The following PRDM6 variants were observed in gnomAD, a reference collection of about 807,000 sequenced individuals.
The protein encoded by PRDM6 is PR/SET domain 6.
PRDM6 carries 25 observed loss-of-function variants against 60.8 expected under a neutral mutation model. The observed-to-expected ratio is 0.41, with a 90% CI of 0.30 to 0.57. The LOEUF (loss-of-function observed/expected upper bound fraction) is 0.57, where lower values mean the gene tolerates loss of function less well. Ranked by LOEUF, PRDM6 falls within the 20% of genes least tolerant of loss-of-function variation. The pLI is 0.27. For synonymous variants in PRDM6, 407 were observed against 357.4 expected (o/e 1.14, Z -1.57); for missense variants, 839 against 821.3 (o/e 1.02, Z -0.26).
intron 6 of PRDM6, chr5:123,173,309 T>G (rs1418397657): frequency 6.1e-6 from 1 of 164,638 alleles, no homozygotes; most frequent in Non-Finnish European, 1.5e-5. Flanking sequence ...ACTAGAAAGC[T>G]TACGTATTCA....
intron 3 of PRDM6, among the ~76,000 whole-genome samples, chr5:123,151,451 A>G (rs183393192): frequency 3.9e-5 from 6 of 152,298 alleles, no homozygotes; most frequent in Non-Finnish European, 5.9e-5. Flanking sequence ...GAGGTGAGGA[A>G]GGCCTCAGCA....
intron 3 of PRDM6, among the ~76,000 whole-genome samples, chr5:123,105,829 C>G (rs528472675): frequency 6.6e-6 from 1 of 152,342 alleles, no homozygotes; most frequent in East Asian, 1.9e-4. Flanking sequence ...GCAGAATATA[C>G]TTTTCCTTGT....
intron 6 of PRDM6, among the ~76,000 whole-genome samples, chr5:123,171,572 A>G (rs192047511): frequency 6.6e-6 from 1 of 152,318 alleles, no homozygotes; most frequent in Admixed American, 6.5e-5. Context: ...TTTTCTTCAG[A>G]GCATGCAAAC....
chr5:123,111,495 G>C (rs914878823), intron 3 of PRDM6, among the ~76,000 whole-genome samples: 30 of 152,124 alleles, frequency 2.0e-4, no homozygotes, highest in African/African-American at 6.3e-4. Context: ...TCAGGAGATC[G>C]AGACCATCCT....
chr5:123,102,444 A>C (rs1764124926), intron 3 of PRDM6, among the ~76,000 whole-genome samples: 1 of 152,060 alleles, frequency 6.6e-6, no homozygotes, highest in Non-Finnish European at 1.5e-5. Flanking sequence ...TCAAAGCTAA[A>C]TTTTCTTCTG....
intron 7 of PRDM6, among the ~76,000 whole-genome samples, chr5:123,185,633 C>T (rs1485802902): frequency 2.0e-5 from 3 of 152,142 alleles, no homozygotes; most frequent in Admixed American, 6.5e-5. Flanking sequence ...AAATATTCCC[C>T]GAAAGACAAT....
intron 3 of PRDM6, among the ~76,000 whole-genome samples, chr5:123,137,717 C>T (rs557636694): frequency 1.2e-4 from 19 of 152,078 alleles, no homozygotes; most frequent in African/African-American, 3.4e-4. Context: ...GCAGCAAACC[C>T]GCATGGCATG....
intron 3 of PRDM6, among the ~76,000 whole-genome samples, chr5:123,147,981 G>A (rs1362217132): frequency 6.6e-6 from 1 of 152,192 alleles, no homozygotes; most frequent in East Asian, 1.9e-4. Context: ...CTGCTAACTT[G>A]ACACTTAGCA....
At chr5:123,151,090 T>C (rs1348620299) in intron 3 of PRDM6, among the ~76,000 whole-genome samples, 3 of 152,318 alleles carry the variant, frequency 2.0e-5, no homozygotes, top group Non-Finnish European at 2.9e-5. Flanking sequence ...GTTCCTTCTA[T>C]GTGCTGGGCC....
At chr5:123,126,485 T>C (rs1764698477) in intron 3 of PRDM6, among the ~76,000 whole-genome samples, 2 of 151,998 alleles carry the variant, frequency 1.3e-5, no homozygotes, top group Non-Finnish European at 2.9e-5. Flanking sequence ...CTATTTGGGA[T>C]GAGTCTTTTC....
In PRDM6 at chr5:123,124,888, C is replaced by G. The variant is rs7702206; in HGVS notation, c.900+24927C>G. ...GTGTAAAATAAAGATATTCTACATACAATTTTCTAAAAGAAAAAAAAAGTA... is the reference window on the plus strand; with the variant it reads ...GTGTAAAATAAAGATATTCTACATAGAATTTTCTAAAAGAAAAAAAAAGTA... On this transcript the variant is annotated intron_variant, in intron 3 of 7. Transcript: ENST00000407847. Among the ~76,000 whole-genome samples the G allele has an allele frequency of 4.9e-3, 737 of 151,582 alleles. 9 individuals carry two copies. Among genetic ancestry groups the G allele is most frequent in the African/African-American group, 0.017 (706 of 41,274 alleles).
At chr5:123,093,756 T>TG (rs758236236) in intron 2 of PRDM6, among the ~76,000 whole-genome samples, 13 of 152,174 alleles carry the variant, frequency 8.5e-5, no homozygotes, top group Non-Finnish European at 1.8e-4. Context: ...AGCTGGTGCG[T>TG]TGCCTGCTCT....
intron 2 of PRDM6, among the ~76,000 whole-genome samples, chr5:123,092,739 C>G (rs1358219299): frequency 6.6e-6 from 1 of 152,132 alleles, no homozygotes; most frequent in Non-Finnish European, 1.5e-5. Context: ...CCACGTTGCT[C>G]ACTAATTAAA....
At chr5:123,151,201 G>A (rs1765361410) in intron 3 of PRDM6, among the ~76,000 whole-genome samples, 1 of 152,098 alleles carries the variant, frequency 6.6e-6, no homozygotes, top group African/African-American at 2.4e-5. Flanking sequence ...CCAGTATCTG[G>A]AGCCTTGGCA....
At position 123,099,596 on chromosome 5, in the gene PRDM6, C is replaced by A; in HGVS notation, c.593-58C>A. The A allele has an allele frequency of 7.2e-7, 1 of 1,398,424 alleles. No individual in the cohort carries two copies. Among genetic ancestry groups the A allele is most frequent in the Non-Finnish European group, 9.4e-7 (1 of 1,068,394 alleles). 86.6% of individuals were successfully genotyped at this position (1,398,424 alleles called of 1,614,324 possible). On this transcript the variant is annotated intron_variant, in intron 2 of 7. Coordinates refer to ENST00000407847, the MANE Select transcript of PRDM6 (RefSeq NM_001136239.4). This position sits in a 1 kb window ranked among gnomAD's most constrained non-coding sequence, Gnocchi z 4.0. ...CTCGGGAGTTTACTCAAAGATGGGC[C>A]GCTCGGGGCGGCCGGATTAACCCGC...
chr5:123,158,268 TTAGAA>T (rs1765552160), intron 4 of PRDM6, among the ~76,000 whole-genome samples: 2 of 152,162 alleles, frequency 1.3e-5, no homozygotes, highest in African/African-American at 4.8e-5. Context: ...TTTTCTCAAG[TTAGAA>T]GATGCCAGTG....
intron 3 of PRDM6, among the ~76,000 whole-genome samples, chr5:123,120,458 G>A (rs896032601): frequency 6.6e-6 from 1 of 152,118 alleles, no homozygotes; most frequent in Non-Finnish European, 1.5e-5. Flanking sequence ...TGGGGTGGTG[G>A]GGGTAGCTGG....
intron 3 of PRDM6, among the ~76,000 whole-genome samples, chr5:123,110,208 G>T (rs925379467): frequency 1.3e-5 from 2 of 149,506 alleles, no homozygotes; most frequent in African/African-American, 4.9e-5. Context: ...ATGTCATAAA[G>T]AACAAAAATT....
intron 3 of PRDM6, among the ~76,000 whole-genome samples, chr5:123,102,674 A>G (rs1290150182): frequency 6.6e-6 from 1 of 152,150 alleles, no homozygotes; most frequent in Non-Finnish European, 1.5e-5. Flanking sequence ...TTAAAAGGCA[A>G]CTGTAATCAT....
Sources: allele counts gnomAD v4.1 joint callset (sites outside exome capture counted in the v4.1 genomes callset), GRCh38; gene constraint gnomAD v4.1.1; non-coding constraint Gnocchi (gnomAD v3.1); transcripts MANE v1.5; gene names NCBI Gene and HGNC (gene_info 2026-07-23, HGNC 2026-07-21).